Variants in ARHGAP15 observed in about 807,000 individuals in gnomAD.
ARHGAP15 encodes Rho GTPase activating protein 15.
ARHGAP15 carries 51 observed loss-of-function variants against 63.7 expected under a neutral mutation model. The observed-to-expected ratio is 0.80, with a 90% confidence interval of 0.64 to 1.01. The LOEUF is 1.01. ARHGAP15 is among the 50% of genes least tolerant of loss of function. The probability of loss-of-function intolerance (pLI) is 0.00; values close to 1 mark genes in which losing one functional copy is unlikely to be tolerated. For synonymous variants in ARHGAP15, 191 were observed against 193.8 expected, an observed-to-expected ratio of 0.99 and a Z score of 0.12; for missense variants, 560 against 564.6, an observed-to-expected ratio of 0.99 and a Z score of 0.08.
At chr2:143,255,622 A>G (rs1048796574) in intron 6 of ARHGAP15, among the ~76,000 whole-genome samples, 5 of 151,476 alleles carry the variant, frequency 3.3e-5, no homozygotes, top group Admixed American at 2.0e-4. Context: ...TCTTAAAAAA[A>G]CATAATTTTA....
At chr2:143,191,279 T>A (rs1691677069) in intron 2 of ARHGAP15, among the ~76,000 whole-genome samples, 1 of 152,184 alleles carries the variant, frequency 6.6e-6, no homozygotes, top group African/African-American at 2.4e-5. Context: ...AGAGTAGATG[T>A]CAAAGCTCCT....
intron 2 of ARHGAP15, among the ~76,000 whole-genome samples, chr2:143,200,325 T>C (rs2105109372): frequency 6.6e-6 from 1 of 152,076 alleles, no homozygotes; most frequent in African/African-American, 2.4e-5. Flanking sequence ...AGAGCAAATG[T>C]GGGGTTCCAG....
intron 13 of ARHGAP15, among the ~76,000 whole-genome samples, chr2:143,740,754 A>G (rs1324572455): frequency 1.3e-5 from 2 of 152,164 alleles, no homozygotes; most frequent in Non-Finnish European, 2.9e-5. Flanking sequence ...TAGTGCCTTA[A>G]AAGACAATGA....
At chr2:143,134,227 A>G (rs909321401) in intron 1 of ARHGAP15, among the ~76,000 whole-genome samples, 4 of 152,166 alleles carry the variant, frequency 2.6e-5, no homozygotes, top group African/African-American at 7.2e-5. Context: ...TCCAGAAATA[A>G]CATTTATGAG....
At chr2:143,571,080 G>A (rs771853252) in intron 11 of ARHGAP15, among the ~76,000 whole-genome samples, 60 of 152,144 alleles carry the variant, frequency 3.9e-4, no homozygotes, top group Admixed American at 1.3e-3. Flanking sequence ...AACTGCACAT[G>A]GGAGGGATCT....
At chr2:143,638,699 AAAAC>A (rs1680462475) in intron 12 of ARHGAP15, among the ~76,000 whole-genome samples, 2 of 150,502 alleles carry the variant, frequency 1.3e-5, no homozygotes, top group East Asian at 2.0e-4. Context: ...AAAAAAAAAA[AAAAC>A]TCAGAGAAGA....
chr2:143,230,362 A>T (rs749897617), intron 5 of ARHGAP15, among the ~76,000 whole-genome samples: 10 of 152,232 alleles, frequency 6.6e-5, no homozygotes, highest in Non-Finnish European at 1.5e-4. Flanking sequence ...TAAATTTTAT[A>T]CAGGTGAAAG....
intron 6 of ARHGAP15, among the ~76,000 whole-genome samples, chr2:143,353,990 G>A (rs1685692443): frequency 7.0e-6 from 1 of 142,890 alleles, no homozygotes; most frequent in Non-Finnish European, 1.5e-5. Flanking sequence ...ACCTGTTCAG[G>A]TATTTTTTTT....
chr2:143,619,680 T>C (rs1698582098), intron 11 of ARHGAP15, among the ~76,000 whole-genome samples: 2 of 151,998 alleles, frequency 1.3e-5, no homozygotes, highest in South Asian at 2.1e-4. Flanking sequence ...TGGTGGGAGG[T>C]GATTGGATCA....
intron 10 of ARHGAP15, among the ~76,000 whole-genome samples, chr2:143,521,786 CTTT>C (rs5834955): frequency 6.6e-6 from 1 of 151,292 alleles, no homozygotes; most frequent in African/African-American, 2.4e-5. Flanking sequence ...GTTTCCTTCT[CTTT>C]TTTTTTCTTG....
rs1224273691 is a variant in ARHGAP15 at position 143,594,337 on chromosome 2, T to G, written c.1004-29796T>G. Among the ~76,000 whole-genome samples the G allele has an allele frequency of 4.6e-5, 7 of 152,324 alleles. No individual in the cohort carries two copies. In the East Asian group the frequency reaches 1.3e-3, roughly 29 times the overall value. On this transcript the variant is annotated intron_variant, in intron 11 of 13. Transcript: ENST00000295095. ...TGGGGACATTTCAGGAACATTAACATGTACAGCATCATTTGTCAACAAAGC... is the reference window on the plus strand; with the variant it reads ...TGGGGACATTTCAGGAACATTAACAGGTACAGCATCATTTGTCAACAAAGC...
intron 10 of ARHGAP15, among the ~76,000 whole-genome samples, chr2:143,531,349 A>G (rs1694517316): frequency 6.6e-6 from 1 of 152,204 alleles, no homozygotes. Flanking sequence ...GGATGCATAC[A>G]TCTGGATATA....
chr2:143,353,429 T>C lies in ARHGAP15; in HGVS notation c.475-82172T>C, dbSNP rs995133038. 5.9e-5 allele frequency among the ~76,000 whole-genome samples: 9 copies of C among 152,362 alleles called. No individual in the cohort carries two copies. In the East Asian group the frequency reaches 1.5e-3, roughly 26 times the overall value. ...GTGGGAAAATGCAACTGTATACTTA[T>C]GTCTTGCTGGTTAATATCCCACTGG... On this transcript the variant is annotated intron_variant, in intron 6 of 13. Transcript: ENST00000295095.
intron 6 of ARHGAP15, among the ~76,000 whole-genome samples, chr2:143,360,163 G>C (rs1017763426): frequency 2.6e-5 from 4 of 151,484 alleles, no homozygotes; most frequent in Non-Finnish European, 5.9e-5. Flanking sequence ...AGGACTGCTA[G>C]AGGCCTGGAG....
intron 11 of ARHGAP15, chr2:143,564,253 A>G (rs1181445346): frequency 6.6e-6 from 1 of 152,222 alleles, no homozygotes; most frequent in East Asian, 1.9e-4. Flanking sequence ...TGAAGGTTAC[A>G]TCCAATCACC....
intron 10 of ARHGAP15, among the ~76,000 whole-genome samples, chr2:143,532,766 T>C (rs1308645869): frequency 6.6e-6 from 1 of 152,228 alleles, no homozygotes; most frequent in African/African-American, 2.4e-5. Flanking sequence ...ATGGTAACTT[T>C]TAATATTTAA....
intron 12 of ARHGAP15, among the ~76,000 whole-genome samples, chr2:143,627,112 C>T (rs367707355): frequency 1.3e-5 from 2 of 152,154 alleles, no homozygotes; most frequent in Non-Finnish European, 2.9e-5. Flanking sequence ...AACTTGGTCT[C>T]ATACTTCCAA....
chr2:143,331,940 C>T (rs1472282330), intron 6 of ARHGAP15, among the ~76,000 whole-genome samples: 4 of 152,112 alleles, frequency 2.6e-5, no homozygotes, highest in Non-Finnish European at 4.4e-5. Flanking sequence ...AACTGTTTTA[C>T]AAAGCATACA....
chr2:143,692,457 AG>A lies in ARHGAP15; in HGVS notation c.1139-10961del, dbSNP rs757931929. ...AAAAGGAGGAAACCCAAGGCAGCAA[AG>A]CCCCTCGCTAATTATTGTAAATGCT... On this transcript the variant is annotated intron_variant, in intron 12 of 13. Transcript: ENST00000295095. Among the ~76,000 whole-genome samples, 26 of 152,278 alleles carry A rather than the reference AG, an allele frequency of 1.7e-4. No individual in the cohort carries two copies. The East Asian group carries it at 2.7e-3, about 16-fold the overall frequency.
Sources: gnomAD v4.1 joint callset for allele counts (sites outside exome capture counted in the v4.1 genomes callset) on GRCh38, gnomAD v4.1.1 for gene constraint, MANE v1.5 for transcripts, NCBI Gene and HGNC (gene_info 2026-07-23, HGNC 2026-07-21) for gene names.